TNRC6B: variants seen among roughly 807,000 people sequenced by gnomAD.
The protein encoded by TNRC6B is trinucleotide repeat containing adaptor 6B, also known as trinucleotide repeat-containing gene 6B protein.
In TNRC6B, 52 loss-of-function variants were observed where a neutral mutation model predicts 203.6. The ratio of observed to expected loss-of-function variants is 0.26; its 90% confidence interval spans 0.20 to 0.32. The LOEUF is 0.32. TNRC6B is among the 10% of genes least tolerant of loss of function. The pLI is 1.00. For synonymous variants in TNRC6B, 838 were observed against 845.7 expected (o/e 0.99, Z 0.16); for missense variants, 1,923 against 2,286.2 (o/e 0.84, Z 3.24).
chr22:40,144,747 G>A (rs113922822), intron 3 of TNRC6B, among the ~76,000 whole-genome samples: 3,187 of 150,482 alleles, frequency 0.021, 86 homozygotes, highest in African/African-American at 0.059. Flanking sequence ...ACATTATACC[G>A]AGTGAAAAAA....
chr22:40,298,858 C>T (rs1214014693), intron 12 of TNRC6B, among the ~76,000 whole-genome samples: 4 of 151,988 alleles, frequency 2.6e-5, no homozygotes, highest in South Asian at 2.1e-4. Flanking sequence ...CCCAGCTACT[C>T]GGGAGGCTGA....
At chr22:40,280,226 G>T in intron 10 of TNRC6B, 83 bp downstream of exon 10, 1 of 1,385,768 alleles carries the variant, frequency 7.2e-7, no homozygotes, top group Non-Finnish European at 9.9e-7. Context: ...GATTCTAGAG[G>T]AAGCATAGAA....
At chr22:40,272,809 T>TTAG (rs1430203231) in intron 6 of TNRC6B, among the ~76,000 whole-genome samples, 1 of 152,244 alleles carries the variant, frequency 6.6e-6, no homozygotes, top group African/African-American at 2.4e-5. Context: ...CTTTGCCTCT[T>TTAG]TAGTATCTAA....
chr22:40,091,939 G>C (rs557439529), intron 1 of TNRC6B, among the ~76,000 whole-genome samples: 87 of 152,246 alleles, frequency 5.7e-4, no homozygotes, highest in South Asian at 1.7e-3. Context: ...GGTTAGTAGT[G>C]CCTCCAGGAA....
intron 1 of TNRC6B, among the ~76,000 whole-genome samples, chr22:40,057,054 T>C (rs953565593): frequency 6.6e-6 from 1 of 152,138 alleles, no homozygotes; most frequent in African/African-American, 2.4e-5. Flanking sequence ...TATGCTACTT[T>C]GTTTTGTCAT....
At chr22:40,108,436 T>C (rs2068305527) in intron 1 of TNRC6B, among the ~76,000 whole-genome samples, 1 of 152,270 alleles carries the variant, frequency 6.6e-6, no homozygotes, top group Non-Finnish European at 1.5e-5. Flanking sequence ...CATTTCCTTC[T>C]TGCCCAGCTC....
chr22:40,083,408 C>T (rs2068076507), intron 1 of TNRC6B, among the ~76,000 whole-genome samples: 2 of 152,042 alleles, frequency 1.3e-5, no homozygotes, highest in South Asian at 4.2e-4. Context: ...ATGATAGGGG[C>T]AGAAGTCATG....
At chr22:40,047,029 A>C (rs964368612) in intron 1 of TNRC6B, among the ~76,000 whole-genome samples, 1 of 152,166 alleles carries the variant, frequency 6.6e-6, no homozygotes, top group Middle Eastern at 3.2e-3. Context: ...TGCTTACTCT[A>C]TGCCAGCCTT....
intron 1 of TNRC6B, among the ~76,000 whole-genome samples, chr22:40,189,498 CAA>C (rs56029573): frequency 0.021 from 2,343 of 112,238 alleles, 49 homozygotes; most frequent in African/African-American, 0.061. Flanking sequence ...TTTGTCTGCC[CAA>C]AAAAAAAAAA....
intron 1 of TNRC6B, among the ~76,000 whole-genome samples, chr22:40,080,880 A>G (rs2068058703): frequency 6.8e-6 from 1 of 147,746 alleles, no homozygotes; most frequent in Non-Finnish European, 1.5e-5. Context: ...TTTTTGAGGC[A>G]GAGTCTCGCC....
Position 40,264,894 on chromosome 22 carries a change from T to A in TNRC6B, c.664T>A (p.Ser222Thr). The change falls in exon 5 of 23, where the codon TCG becomes ACG. Residue 222 changes from serine to threonine, a missense_variant. Transcript: ENST00000454349. Reference sequence around the variant, plus strand: ...AAACACCACCGATAACAACAGTGCCTCGAACCCTGGCTCTGAGAAGAGCAC... The same window carrying A: ...AAACACCACCGATAACAACAGTGCCACGAACCCTGGCTCTGAGAAGAGCAC... Reference protein sequence around the residue: ...SENTTDNNSASNPGSEKSTLP... With the variant: ...SENTTDNNSATNPGSEKSTLP... 1 of 1,613,702 alleles carries A rather than the reference T, an allele frequency of 6.2e-7. No individual in the cohort carries two copies. Among genetic ancestry groups the A allele is most frequent in the Non-Finnish European group, 8.5e-7 (1 of 1,179,818 alleles).
At chr22:40,177,199 G>C (rs986629208), upstream of TNRC6B, among the ~76,000 whole-genome samples, 6 of 152,180 alleles carry the variant, frequency 3.9e-5, no homozygotes, top group Non-Finnish European at 8.8e-5. Flanking sequence ...GCTACCTCCT[G>C]CGGTGGGGGA....
intron 1 of TNRC6B, among the ~76,000 whole-genome samples, chr22:40,178,903 A>C (rs762934923): frequency 1.3e-5 from 2 of 152,172 alleles, no homozygotes; most frequent in Non-Finnish European, 2.9e-5. Flanking sequence ...AGATATGAAC[A>C]GCTATTCACC....
At chr22:40,056,797 CA>C (rs35657644) in intron 1 of TNRC6B, among the ~76,000 whole-genome samples, 2,662 of 91,868 alleles carry the variant, frequency 0.029, 49 homozygotes, top group African/African-American at 0.074. Context: ...CACCCTGTCT[CA>C]AAAAAAAAAA....
chr22:40,047,528 G>T (rs1402158146), intron 1 of TNRC6B, among the ~76,000 whole-genome samples: 5 of 152,036 alleles, frequency 3.3e-5, no homozygotes, highest in Non-Finnish European at 7.4e-5. Context: ...GCTTGAACCC[G>T]GGAGGCGGAG....
At chr22:40,250,021 C>T (rs2070166542) in intron 2 of TNRC6B, among the ~76,000 whole-genome samples, 1 of 152,174 alleles carries the variant, frequency 6.6e-6, no homozygotes, top group South Asian at 2.1e-4. Context: ...GACCTTCCTT[C>T]CAGGGATGAT....
intron 12 of TNRC6B, among the ~76,000 whole-genome samples, chr22:40,298,418 C>G (rs2070974561): frequency 6.6e-6 from 1 of 152,082 alleles, no homozygotes. Flanking sequence ...GAAGGAGATA[C>G]AGGTGAAAGA....
chr22:40,146,708 C>T (rs966769819), intron 3 of TNRC6B, among the ~76,000 whole-genome samples: 1 of 152,000 alleles, frequency 6.6e-6, no homozygotes, highest in African/African-American at 2.4e-5. Context: ...TACAGGCGCC[C>T]GCCGCCATGC....
At chr22:40,281,696 AC>A (rs1263087743) in intron 11 of TNRC6B, among the ~76,000 whole-genome samples, 1 of 152,216 alleles carries the variant, frequency 6.6e-6, no homozygotes, top group Admixed American at 6.5e-5. Context: ...AAATAGGAAA[AC>A]TAGTATGATT....
Sources: allele counts gnomAD v4.1 joint callset (sites outside exome capture counted in the v4.1 genomes callset), GRCh38; gene constraint gnomAD v4.1.1; transcripts MANE v1.5; gene names NCBI Gene and HGNC (gene_info 2026-07-23, HGNC 2026-07-21).